Variants in HS6ST3 observed in about 807,000 individuals in gnomAD.
HS6ST3 encodes the protein heparan sulfate 6-O-sulfotransferase 3, also known as heparan-sulfate 6-O-sulfotransferase 3.
A neutral mutation model predicts 36.7 loss-of-function variants in HS6ST3; 12 were observed. The ratio of observed to expected loss-of-function variants is 0.33; its 90% CI spans 0.21 to 0.53. HS6ST3 has a LOEUF of 0.53. Ranked by LOEUF, HS6ST3 falls within the 20% of genes least tolerant of loss-of-function variation. The pLI is 0.95. For synonymous variants in HS6ST3, 240 were observed against 257.5 expected, an observed-to-expected ratio of 0.93 and a Z score of 0.65; for missense variants, 584 against 640.9, an observed-to-expected ratio of 0.91 and a Z score of 0.96.
At position 96,091,091 on chromosome 13, in the gene HS6ST3, GGGCCCCCCGAGGGACCTC is replaced by G; in HGVS notation, c.232_249del (p.Pro78_Arg83del). 7.7e-7 allele frequency: 1 copy of G among 1,302,264 alleles called. No homozygotes were observed. Among genetic ancestry groups the G allele is most frequent in the Non-Finnish European group, 9.7e-7 (1 of 1,030,116 alleles). 80.7% of individuals were successfully genotyped at this position (1,302,264 alleles called of 1,614,324 possible). On this transcript the variant is annotated inframe_deletion, in exon 1 of 2. Transcript: ENST00000376705. The stretch of plus-strand genomic sequence containing the variant: ...GCCCCAGTTGCCCCCGCCGCCCCGG[GGGCCCCCCGAGGGACCTC>G]GGGGGGCCGCGGCGCCGGAGGAGGA...
At chr13:96,104,785 C>A (rs9562026) in intron 1 of HS6ST3, among the ~76,000 whole-genome samples, 2 of 152,116 alleles carry the variant, frequency 1.3e-5, no homozygotes, top group Non-Finnish European at 2.9e-5. Flanking sequence ...GCCGTGTTTT[C>A]CCCTCTCCCT....
intron 1 of HS6ST3, among the ~76,000 whole-genome samples, chr13:96,375,195 C>G (rs1490633917): frequency 6.6e-6 from 1 of 152,098 alleles, no homozygotes; most frequent in Non-Finnish European, 1.5e-5. Flanking sequence ...GCCAAAACAC[C>G]ACCCTCGTAA....
At chr13:96,510,143 T>G (rs192825676) in intron 1 of HS6ST3, among the ~76,000 whole-genome samples, 3 of 138,278 alleles carry the variant, frequency 2.2e-5, no homozygotes, top group Non-Finnish European at 4.7e-5. Context: ...TTTATTTTAT[T>G]TGCAGCTGTT....
intron 1 of HS6ST3, among the ~76,000 whole-genome samples, chr13:96,127,385 C>T (rs892752557): frequency 7.2e-5 from 11 of 152,194 alleles, no homozygotes; most frequent in Non-Finnish European, 1.3e-4. Context: ...AGCATCTAAC[C>T]TTGATTTCTT....
chr13:96,329,448 T>C (rs2055052528), intron 1 of HS6ST3, among the ~76,000 whole-genome samples: 1 of 146,212 alleles, frequency 6.8e-6, no homozygotes, highest in African/African-American at 2.6e-5. Context: ...TACCCAGTAG[T>C]CATTCAGGAG....
intron 1 of HS6ST3, among the ~76,000 whole-genome samples, chr13:96,675,882 C>T (rs1445441532): frequency 1.3e-5 from 2 of 152,120 alleles, no homozygotes; most frequent in Non-Finnish European, 2.9e-5. Flanking sequence ...CTACTGTATC[C>T]ACCAGTAGGA....
At chr13:96,339,073 G>C (rs903621667) in intron 1 of HS6ST3, among the ~76,000 whole-genome samples, 1 of 152,034 alleles carries the variant, frequency 6.6e-6, no homozygotes, top group African/African-American at 2.4e-5. Flanking sequence ...AGGGAAATAG[G>C]GAAAATTTAG....
chr13:96,110,230 A>G (rs2053861445), intron 1 of HS6ST3, among the ~76,000 whole-genome samples: 1 of 152,052 alleles, frequency 6.6e-6, no homozygotes, highest in African/African-American at 2.4e-5. Context: ...TCACATGGCA[A>G]GAGAGGGAGC....
intron 1 of HS6ST3, among the ~76,000 whole-genome samples, chr13:96,146,130 A>G (rs1405386958): frequency 1.3e-5 from 2 of 152,196 alleles, no homozygotes; most frequent in Non-Finnish European, 1.5e-5. Context: ...TTGTCTTGGC[A>G]ATGCAGGCTC....
intron 1 of HS6ST3, among the ~76,000 whole-genome samples, chr13:96,822,369 C>T (rs1878553875): frequency 6.6e-6 from 1 of 152,180 alleles, no homozygotes; most frequent in South Asian, 2.1e-4. Flanking sequence ...GCAGGACCCT[C>T]CCTGGCACAT....
intron 1 of HS6ST3, among the ~76,000 whole-genome samples, chr13:96,502,078 A>G (rs2056006727): frequency 1.3e-5 from 2 of 152,190 alleles, no homozygotes; most frequent in Admixed American, 1.3e-4. Flanking sequence ...CTTTAAGAAA[A>G]GATGGCATAA....
chr13:96,229,382 AC>A (rs2054496754), intron 1 of HS6ST3, among the ~76,000 whole-genome samples: 1 of 152,296 alleles, frequency 6.6e-6, no homozygotes, highest in African/African-American at 2.4e-5. Flanking sequence ...GGCTTAAAAA[AC>A]AGGCACTTAT....
intron 1 of HS6ST3, 23 bp from the exon 2 acceptor site, chr13:96,832,467 G>C (rs1358396927): frequency 4.6e-6 from 7 of 1,505,590 alleles, no homozygotes; most frequent in East Asian, 2.3e-5. Context: ...AACTACTGAT[G>C]CTCTTCCTCT....
At chr13:96,096,616 T>G (rs1203144138) in intron 1 of HS6ST3, among the ~76,000 whole-genome samples, 1 of 152,216 alleles carries the variant, frequency 6.6e-6, no homozygotes, top group Non-Finnish European at 1.5e-5. Flanking sequence ...TAGACTGTTT[T>G]ACACATTCAG....
intron 1 of HS6ST3, among the ~76,000 whole-genome samples, chr13:96,161,098 A>C (rs1341698788): frequency 6.6e-6 from 1 of 152,192 alleles, no homozygotes; most frequent in Admixed American, 6.5e-5. Flanking sequence ...TCTTTAAAAA[A>C]AGTTATCCAG....
intron 1 of HS6ST3, among the ~76,000 whole-genome samples, chr13:96,821,817 T>A (rs1040786320): frequency 2.6e-5 from 4 of 152,142 alleles, no homozygotes; most frequent in Non-Finnish European, 5.9e-5. Context: ...AACAGAAGTA[T>A]CCTTCATATA....
intron 1 of HS6ST3, among the ~76,000 whole-genome samples, chr13:96,631,995 G>C (rs568043734): frequency 6.6e-6 from 1 of 152,246 alleles, no homozygotes; most frequent in East Asian, 1.9e-4. Flanking sequence ...TTGAATGTTG[G>C]TGTCTCATCC....
At chr13:96,142,601 T>C (rs1434444894) in intron 1 of HS6ST3, among the ~76,000 whole-genome samples, 1 of 152,200 alleles carries the variant, frequency 6.6e-6, no homozygotes. Context: ...GAATATATTG[T>C]ACTCTAATTT....
At chr13:96,561,741 A>G (rs2056263090) in intron 1 of HS6ST3, among the ~76,000 whole-genome samples, 1 of 152,244 alleles carries the variant, frequency 6.6e-6, no homozygotes, top group South Asian at 2.1e-4. Context: ...ACTTCTCAAA[A>G]GAAGACATAC....
Sources: gnomAD v4.1 joint callset for allele counts (sites outside exome capture counted in the v4.1 genomes callset) on GRCh38, gnomAD v4.1.1 for gene constraint, MANE v1.5 for transcripts, NCBI Gene and HGNC (gene_info 2026-07-23, HGNC 2026-07-21) for gene names.